ORC1: variants seen among roughly 807,000 people sequenced by gnomAD.
The protein encoded by ORC1 is origin recognition complex subunit 1.
In ORC1, 61 loss-of-function variants were observed where a neutral mutation model predicts 98.9. That is an observed-to-expected ratio of 0.62 (90% CI 0.50 to 0.76). The LOEUF (loss-of-function observed/expected upper bound fraction) is 0.76, where lower values mean the gene tolerates loss of function less well. Ranked by LOEUF, ORC1 falls within the 30% of genes least tolerant of loss-of-function variation. ORC1 has a pLI of 0.00. For missense variants in ORC1, 979 were observed against 1,072.2 expected (o/e 0.91, Z 1.21); for synonymous variants, 385 against 406.9 (o/e 0.95, Z 0.65).
chr1:52,405,595 T>C (rs1034149399), upstream of ORC1: 9 of 1,274,382 alleles, frequency 7.1e-6, no homozygotes, highest in Non-Finnish European at 1.0e-5. Flanking sequence ...GATGTATATT[T>C]AGGAGAACCA....
At chr1:52,403,714 A>G (rs1647844037) in intron 1 of ORC1, among the ~76,000 whole-genome samples, 1 of 152,172 alleles carries the variant, frequency 6.6e-6, no homozygotes, top group East Asian at 1.9e-4. Context: ...CTCTTCTGAA[A>G]AGAAGGTGAA....
chr1:52,382,672 C>A (rs149163005), intron 13 of ORC1, among the ~76,000 whole-genome samples: 1 of 149,918 alleles, frequency 6.7e-6, no homozygotes, highest in Non-Finnish European at 1.5e-5. Flanking sequence ...CTCCGCCTCC[C>A]GGGTTCAAGA....
chr1:52,397,964 G>A (rs1198599186), intron 3 of ORC1, 101 bp from the exon 4 acceptor site: 12 of 1,193,552 alleles, frequency 1.0e-5, no homozygotes, highest in Non-Finnish European at 1.4e-5. Flanking sequence ...CTTGACATGT[G>A]TGGTTTTGTT....
chr1:52,390,085 A>G (rs998191212), intron 6 of ORC1, among the ~76,000 whole-genome samples: 10 of 152,250 alleles, frequency 6.6e-5, no homozygotes, highest in Admixed American at 2.0e-4. Context: ...GATGGGTAGA[A>G]TCAATATTGT....
At chr1:52,402,848 G>A (rs1647785843) in intron 1 of ORC1, among the ~76,000 whole-genome samples, 1 of 152,162 alleles carries the variant, frequency 6.6e-6, no homozygotes, top group Non-Finnish European at 1.5e-5. Flanking sequence ...AGTGAGCCGA[G>A]ATCGCAACAC....
At chr1:52,392,294 TAATTTTTTATGTTTTAG>T (rs2147935848) in intron 6 of ORC1, among the ~76,000 whole-genome samples, 1 of 152,214 alleles carries the variant, frequency 6.6e-6, no homozygotes, top group Non-Finnish European at 1.5e-5. Flanking sequence ...CAAGCCCGGC[TAATTTTTTATGTTTTAG>T]TAGAGATAGG....
chr1:52,384,459 A>G (rs1017160495), intron 11 of ORC1, 91 bp downstream of exon 11: 4 of 1,149,788 alleles, frequency 3.5e-6, no homozygotes, highest in Non-Finnish European at 5.2e-6. Flanking sequence ...TATCATGAAC[A>G]TGCAATACAC....
intron 8 of ORC1, among the ~76,000 whole-genome samples, chr1:52,386,541 C>T (rs1484076040): frequency 6.6e-6 from 1 of 152,198 alleles, no homozygotes; most frequent in Non-Finnish European, 1.5e-5. Flanking sequence ...CCCTCATCTT[C>T]ATGGCGTTTC....
At chr1:52,401,054 T>C (rs569544304) in intron 3 of ORC1, among the ~76,000 whole-genome samples, 4 of 152,218 alleles carry the variant, frequency 2.6e-5, no homozygotes, top group Non-Finnish European at 5.9e-5. Context: ...ATTACCTGTT[T>C]TTTCCTTCTC....
chr1:52,401,531 T>C, intron 2 of ORC1, 42 bp from the exon 3 acceptor site: 1 of 1,611,476 alleles, frequency 6.2e-7, no homozygotes, highest in Non-Finnish European at 8.5e-7. Flanking sequence ...TAACTTAAAG[T>C]GGGTCAAGCT....
chr1:52,381,805 A>C lies in ORC1; in HGVS notation c.2014-44T>G, dbSNP rs1647074433. 6 of 1,608,314 alleles carry C rather than the reference A, an allele frequency of 3.7e-6. No homozygotes were observed. The East Asian group carries it at 1.3e-4, about 36-fold the overall frequency. ...AGAGGAATAAGTTGGTTGACTGCCC[A>C]GTGATTATCCAGGTGGAAAGTCACC... On this transcript the variant is annotated intron_variant, in intron 13 of 16. Transcript: ENST00000371568.
chr1:52,402,357 T>C, intron 1 of ORC1, 129 bp from the exon 2 acceptor site: 1 of 735,348 alleles, frequency 1.4e-6, no homozygotes, highest in South Asian at 1.5e-5. Context: ...TACACTCCCA[T>C]ACATTTTAGA....
At position 52,386,047 on chromosome 1, in the gene ORC1, G is replaced by C. The variant is rs11205953; in HGVS notation, c.1384-98C>G. 77,673 of 894,882 alleles carry C rather than the reference G, an allele frequency of 0.087. 5,111 individuals are homozygous for C. The highest frequency in any genetic ancestry group is 0.28 in the African/African-American group (16,930 of 60,344). 55.4% of individuals were successfully genotyped at this position (894,882 alleles called of 1,614,324 possible). On this transcript the variant is annotated intron_variant, in intron 8 of 16. Transcript: ENST00000371568. ...ATTTGTGCTGATCTGATAAAAGGAA[G>C]AGAGGTGGTGAATTCCTCTTAGTTC...
chr1:52,400,930 T>C (rs976160210), intron 3 of ORC1, among the ~76,000 whole-genome samples: 8 of 152,210 alleles, frequency 5.3e-5, no homozygotes, highest in Non-Finnish European at 7.3e-5. Flanking sequence ...GAAACCCCAA[T>C]TGCTACACCT....
chr1:52,409,221 C>T (rs1472436635), upstream of ORC1: 3 of 152,932 alleles, frequency 2.0e-5, no homozygotes, highest in African/African-American at 7.2e-5. Context: ...GGAGGGATTC[C>T]AGGTAATGCA....
At chr1:52,401,218 G>T (rs966815503) in intron 3 of ORC1, 144 bp downstream of exon 3, 2 of 1,026,620 alleles carry the variant, frequency 1.9e-6, no homozygotes, top group African/African-American at 1.6e-5. Flanking sequence ...TTTTTTAGAT[G>T]GAAGAAGACG....
intron 3 of ORC1, among the ~76,000 whole-genome samples, chr1:52,399,635 A>AG (rs1446572238): frequency 6.7e-6 from 1 of 149,130 alleles, no homozygotes; most frequent in East Asian, 2.0e-4. Context: ...AAAAAAAAAA[A>AG]AAAAAAAAGA....
At chr1:52,378,288 T>A (rs1647019989) in intron 14 of ORC1, among the ~76,000 whole-genome samples, 1 of 149,528 alleles carries the variant, frequency 6.7e-6, no homozygotes, top group Non-Finnish European at 1.5e-5. Context: ...GAGGTTGCAG[T>A]GAGCTGAGAT....
upstream of ORC1, chr1:52,408,250 A>G: frequency 2.4e-6 from 1 of 409,938 alleles, no homozygotes; most frequent in South Asian, 1.9e-5. Flanking sequence ...AAAAAATAAA[A>G]TAAAATTCAG....
Sources: allele counts gnomAD v4.1 joint callset (sites outside exome capture counted in the v4.1 genomes callset), GRCh38; gene constraint gnomAD v4.1.1; transcripts MANE v1.5; gene names NCBI Gene and HGNC (gene_info 2026-07-23, HGNC 2026-07-21).